RRN3: variants seen among roughly 807,000 people sequenced by gnomAD.
RRN3 encodes RNA polymerase I transcription factor RRN3.
In RRN3, 38 loss-of-function variants were observed where a neutral mutation model predicts 82.3. The ratio of observed to expected loss-of-function variants is 0.46; its 90% CI spans 0.36 to 0.61. The LOEUF is 0.61. RRN3 is among the 20% of genes least tolerant of loss of function. RRN3 has a pLI of 0.00. For synonymous variants in RRN3, 284 were observed against 284.3 expected (o/e 1.00, Z 0.01); for missense variants, 726 against 793.1 (o/e 0.92, Z 1.02).
intron 10 of RRN3, among the ~76,000 whole-genome samples, chr16:15,075,172 C>A (rs932596790): frequency 6.7e-6 from 1 of 149,450 alleles, no homozygotes; most frequent in African/African-American, 2.5e-5. Flanking sequence ...ATAGCTTGAA[C>A]TGGGAGGTGG....
intron 16 of RRN3, among the ~76,000 whole-genome samples, chr16:15,063,741 A>G (rs977353821): frequency 2.0e-5 from 3 of 151,718 alleles, no homozygotes; most frequent in African/African-American, 7.3e-5. Flanking sequence ...CAAAACAAAA[A>G]AACAACCCTC....
chr16:15,073,095 T>C lies in RRN3; in HGVS notation c.998-15A>G. The C allele has an allele frequency of 6.2e-7, 1 of 1,602,832 alleles. No individual in the cohort carries two copies. Among genetic ancestry groups the C allele is most frequent in the Non-Finnish European group, 8.5e-7 (1 of 1,177,456 alleles). Reference sequence around the variant, plus strand: ...ATCAACCTTACCTATGGAGAAAATCTGGCATCTCAGTTTTTATAAAGACAT... The same window carrying C: ...ATCAACCTTACCTATGGAGAAAATCCGGCATCTCAGTTTTTATAAAGACAT... On this transcript the variant is annotated splice_polypyrimidine_tract_variant and intron_variant, in intron 11 of 17. Coordinates refer to ENST00000198767, the MANE Select transcript of RRN3 (RefSeq NM_018427.5).
chr16:15,083,099 A>T (rs1318116205), intron 8 of RRN3, among the ~76,000 whole-genome samples: 1 of 152,188 alleles, frequency 6.6e-6, no homozygotes, highest in African/African-American at 2.4e-5. Context: ...AGACAAAGTA[A>T]CCTTTAAGAA....
intron 13 of RRN3, among the ~76,000 whole-genome samples, chr16:15,070,904 G>A (rs144077536): frequency 1.1e-3 from 163 of 152,264 alleles, no homozygotes; most frequent in Non-Finnish European, 2.1e-3. Context: ...AACCAAAAGA[G>A]ATGACAAAAG....
intron 8 of RRN3, among the ~76,000 whole-genome samples, chr16:15,081,385 T>C (rs1488659205): frequency 6.6e-6 from 1 of 152,206 alleles, no homozygotes; most frequent in Non-Finnish European, 1.5e-5. Flanking sequence ...TGAACACTTG[T>C]TACTGTCTTC....
At chr16:15,065,644 C>A (rs2044937796) in intron 15 of RRN3, among the ~76,000 whole-genome samples, 1 of 152,090 alleles carries the variant, frequency 6.6e-6, no homozygotes, top group Admixed American at 6.5e-5. Flanking sequence ...AGATATTATT[C>A]ATTATATTTT....
chr16:15,084,513 C>G, intron 7 of RRN3, 129 bp downstream of exon 7: 2 of 633,026 alleles, frequency 3.2e-6, no homozygotes, highest in Non-Finnish European at 5.4e-6. Flanking sequence ...AATGTTTCCT[C>G]AAGTGGATAC....
rs539455885 is a variant in RRN3 at position 15,069,348 on chromosome 16, AC to A, written c.1444+721del. On this transcript the variant is annotated intron_variant, in intron 14 of 17. Transcript: ENST00000198767. ...AATGGCAATCGTGCAGGGTTCAGAG[AC>A]CCCGGTTTAGAGGAAGTGACCCACA... Among the ~76,000 whole-genome samples the A allele has an allele frequency of 1.5e-3, 225 of 152,262 alleles. 3 individuals are homozygous for A. Among genetic ancestry groups the A allele is most frequent in the Non-Finnish European group, 2.0e-3 (136 of 68,022 alleles).
In RRN3 at chr16:15,074,730, A is replaced by G. The variant is rs781616496; in HGVS notation, c.990T>C (p.Tyr330=). 1.2e-6 allele frequency: 2 copies of G among 1,613,516 alleles called. No homozygotes were observed. The highest frequency in any genetic ancestry group is 1.7e-5 in the Admixed American group (1 of 59,900). The change falls in exon 11 of 18, where the codon TAT becomes TAC. Residue 330 remains tyrosine, a synonymous_variant. Coordinates refer to ENST00000198767, the MANE Select transcript of RRN3 (RefSeq NM_018427.5). The stretch of plus-strand genomic sequence containing the variant: ...GTAGCTACTGTGATTTACCATCTAC[A>G]TAGCAGACATCCTTCATGTAGGACA... ...LVLSYMKDVC[Y]VDGKVDNGKT...
At chr16:15,090,768 C>G (rs1356841317) in intron 3 of RRN3, among the ~76,000 whole-genome samples, 3 of 152,120 alleles carry the variant, frequency 2.0e-5, no homozygotes, top group Admixed American at 2.0e-4. Flanking sequence ...ATAAACCATT[C>G]TCTTCAAAAC....
At chr16:15,078,495 G>C (rs1278145827) in intron 9 of RRN3, among the ~76,000 whole-genome samples, 3 of 152,056 alleles carry the variant, frequency 2.0e-5, no homozygotes, top group Admixed American at 2.0e-4. Flanking sequence ...AAGCAACAAA[G>C]ACTACCTTCT....
intron 3 of RRN3, among the ~76,000 whole-genome samples, chr16:15,087,023 T>C (rs1471786660): frequency 3.9e-5 from 6 of 152,230 alleles, no homozygotes; most frequent in African/African-American, 9.6e-5. Context: ...TTACTGTTCA[T>C]AGTAATTGTT....
In RRN3 at chr16:15,061,849, A is replaced by C. The variant is rs1458540120; in HGVS notation, c.1851T>G (p.Asp617Glu). The C allele has an allele frequency of 1.2e-6, 2 of 1,613,998 alleles. No individual in the cohort carries two copies. Among genetic ancestry groups the C allele is most frequent in the Non-Finnish European group, 1.7e-6 (2 of 1,179,914 alleles). The part of the protein sequence containing the change: ...DFLKGEVPQN[D>E]TVIGITPSSF... ...AGCTTGGTGTGATCCCAATCACGGTATCATTCTGGGGCACTTCGCCTTTCA... is the reference window on the plus strand; with the variant it reads ...AGCTTGGTGTGATCCCAATCACGGTCTCATTCTGGGGCACTTCGCCTTTCA... Residue 617 changes from aspartate to glutamate, a missense_variant, in exon 18 of 18, where the codon GAT becomes GAG. Transcript: ENST00000198767.
At chr16:15,064,761 G>A (rs1376847993) in intron 16 of RRN3, among the ~76,000 whole-genome samples, 3 of 152,210 alleles carry the variant, frequency 2.0e-5, no homozygotes, top group Non-Finnish European at 4.4e-5. Context: ...TTTGCATCTG[G>A]TGAAATATAC....
At chr16:15,087,769 T>G (rs1228340112) in intron 3 of RRN3, among the ~76,000 whole-genome samples, 1 of 152,182 alleles carries the variant, frequency 6.6e-6, no homozygotes, top group Non-Finnish European at 1.5e-5. Context: ...TCTTTTCCAC[T>G]AAAAAGACTG....
intron 12 of RRN3, 130 bp downstream of exon 12, chr16:15,072,820 A>G: frequency 3.3e-6 from 3 of 904,486 alleles, no homozygotes; most frequent in South Asian, 1.6e-5. Context: ...GATTTTATTA[A>G]GCAGACTAGC....
rs1221978138 is a variant in RRN3 at position 15,061,611 on chromosome 16, G to C, written c.*133C>G. The C allele has an allele frequency of 2.8e-6, 2 of 723,482 alleles. No individual in the cohort carries two copies. Among genetic ancestry groups the C allele is most frequent in the African/African-American group, 1.8e-5 (1 of 56,982 alleles). The allele number at this position is 723,482 out of a possible 1,614,324, so 44.8% of individuals were successfully genotyped here. The stretch of plus-strand genomic sequence containing the variant: ...CAGATGCTTGATTCAGTCGAACCTG[G>C]AAGTGCCACAGCCGAGGCAGGCACT... On this transcript the variant is annotated 3_prime_UTR_variant, in exon 18 of 18. Transcript: ENST00000198767.
intron 3 of RRN3, among the ~76,000 whole-genome samples, chr16:15,089,805 A>C (rs1230921897): frequency 2.0e-5 from 3 of 150,986 alleles, no homozygotes; most frequent in Admixed American, 1.3e-4. Flanking sequence ...AAAAAAAAAA[A>C]AAAAAACAGA....
chr16:15,087,869 C>G (rs1029800238), intron 3 of RRN3, among the ~76,000 whole-genome samples: 2 of 152,078 alleles, frequency 1.3e-5, no homozygotes, highest in Non-Finnish European at 2.9e-5. Flanking sequence ...AATCCCAACA[C>G]TTTGGGAGGC....
Sources: allele counts gnomAD v4.1 joint callset (sites outside exome capture counted in the v4.1 genomes callset), GRCh38; gene constraint gnomAD v4.1.1; transcripts MANE v1.5; gene names NCBI Gene and HGNC (gene_info 2026-07-23, HGNC 2026-07-21).